The following CACNA1E variants were observed in gnomAD, a reference collection of about 807,000 sequenced individuals.
CACNA1E encodes calcium voltage-gated channel subunit alpha1 E.
CACNA1E carries 40 observed loss-of-function variants against 259.2 expected under a neutral mutation model. That is an observed-to-expected ratio of 0.15 (90% CI 0.12 to 0.20). The LOEUF is 0.20. Among genes scored for constraint, CACNA1E ranks in the 10% least tolerant of loss-of-function variants. The probability of loss-of-function intolerance (pLI) is 1.00; values close to 1 mark genes in which losing one functional copy is unlikely to be tolerated. For synonymous variants in CACNA1E, 1,104 were observed against 1,138.5 expected, an observed-to-expected ratio of 0.97 and a Z score of 0.61; for missense variants, 1,874 against 3,040.1, an observed-to-expected ratio of 0.62 and a Z score of 9.02.
intron 7 of CACNA1E, among the ~76,000 whole-genome samples, chr1:181,684,876 CTT>C (rs34538225): frequency 2.0e-4 from 27 of 135,096 alleles, no homozygotes; most frequent in East Asian, 4.2e-4. Context: ...TTTTTAAATC[CTT>C]TTTTTTTTTT....
At chr1:181,695,608 GA>G (rs1479922878) in intron 7 of CACNA1E, among the ~76,000 whole-genome samples, 2 of 152,214 alleles carry the variant, frequency 1.3e-5, no homozygotes, top group African/African-American at 4.8e-5. Flanking sequence ...GTTCAATTTA[GA>G]GGGGGAAAGG....
intron 2 of CACNA1E, among the ~76,000 whole-genome samples, chr1:181,426,938 G>C (rs1256725483): frequency 1.4e-5 from 1 of 69,244 alleles, no homozygotes; most frequent in Admixed American, 1.6e-4. Context: ...CTCAACCGCT[G>C]CCCATCTCAA....
intron 6 of CACNA1E, among the ~76,000 whole-genome samples, chr1:181,582,382 G>A (rs1268230197): frequency 6.6e-6 from 1 of 152,234 alleles, no homozygotes; most frequent in African/African-American, 2.4e-5. Flanking sequence ...TTGAGGCCAT[G>A]CCACTCAAAT....
At chr1:181,613,614 T>A (rs1654948331) in intron 6 of CACNA1E, among the ~76,000 whole-genome samples, 1 of 152,200 alleles carries the variant, frequency 6.6e-6, no homozygotes, top group Non-Finnish European at 1.5e-5. Flanking sequence ...GTTTATCTTT[T>A]CCCTTCAAGG....
At chr1:181,594,941 A>G (rs1242838007) in intron 6 of CACNA1E, among the ~76,000 whole-genome samples, 1 of 152,226 alleles carries the variant, frequency 6.6e-6, no homozygotes, top group African/African-American at 2.4e-5. Context: ...CATGTTAGGA[A>G]GATTTCTATT....
At chr1:181,394,205 G>C (rs1238081451) in intron 1 of CACNA1E, among the ~76,000 whole-genome samples, 2 of 152,212 alleles carry the variant, frequency 1.3e-5, no homozygotes, top group African/African-American at 2.4e-5. Flanking sequence ...TCAAATCAGA[G>C]TTTGCCTTCT....
At chr1:181,532,970 T>C (rs1482485352) in intron 3 of CACNA1E, among the ~76,000 whole-genome samples, 3 of 152,204 alleles carry the variant, frequency 2.0e-5, no homozygotes, top group Non-Finnish European at 4.4e-5. Flanking sequence ...TTGCCTAGCT[T>C]GTGGAAGAGT....
intron 7 of CACNA1E, among the ~76,000 whole-genome samples, chr1:181,686,316 C>G (rs1169690801): frequency 3.1e-4 from 27 of 87,264 alleles, no homozygotes; most frequent in African/African-American, 1.1e-3. Flanking sequence ...GATGGAGTTT[C>G]ACTCTTGTTG....
Position 181,352,685 on chromosome 1 carries a change from G to A in CACNA1E, c.-15+34562G>A, listed in dbSNP as rs1044558655. Reference sequence around the variant, plus strand: ...AAGAAATAGATCAGAGAAGTGGCAAGGCAATTTGGAGACATCAACTAAATT... The same window carrying A: ...AAGAAATAGATCAGAGAAGTGGCAAAGCAATTTGGAGACATCAACTAAATT... On this transcript the variant is annotated intron_variant, in intron 1 of 11. Coordinates refer to the CACNA1E transcript ENST00000524607. 2.0e-5 allele frequency among the ~76,000 whole-genome samples: 3 copies of A among 152,212 alleles called. No homozygotes were observed. In the East Asian group the frequency reaches 5.8e-4, roughly 29 times the overall value.
chr1:181,708,006 A>G (rs1318638527), intron 7 of CACNA1E, among the ~76,000 whole-genome samples: 1 of 152,180 alleles, frequency 6.6e-6, no homozygotes, highest in Non-Finnish European at 1.5e-5. Flanking sequence ...GTGGGACCCA[A>G]AGAGAAGAGG....
At chr1:181,370,756 T>A (rs1250671009) in intron 1 of CACNA1E, among the ~76,000 whole-genome samples, 1 of 152,190 alleles carries the variant, frequency 6.6e-6, no homozygotes, top group East Asian at 1.9e-4. Flanking sequence ...TGCATTTTTT[T>A]TGGTAGAATG....
At chr1:181,601,152 G>T (rs1446108018) in intron 6 of CACNA1E, among the ~76,000 whole-genome samples, 1 of 152,172 alleles carries the variant, frequency 6.6e-6, no homozygotes, top group Non-Finnish European at 1.5e-5. Flanking sequence ...TGCAGGGCAG[G>T]TAGAGATTCG....
At chr1:181,323,048 T>C (rs1000645527) in intron 1 of CACNA1E, among the ~76,000 whole-genome samples, 1 of 152,236 alleles carries the variant, frequency 6.6e-6, no homozygotes, top group South Asian at 2.1e-4. Flanking sequence ...ACACCTCTTA[T>C]TGATGAAAAT....
At position 181,483,631 on chromosome 1, in the gene CACNA1E, C is replaced by A; in HGVS notation, c.-114C>A. 1 of 642,520 alleles carries A rather than the reference C, an allele frequency of 1.6e-6. No individual in the cohort carries two copies. Among genetic ancestry groups the A allele is most frequent in the Non-Finnish European group, 2.5e-6 (1 of 399,134 alleles). The allele number at this position is 642,520 out of a possible 1,614,324, so 39.8% of individuals were successfully genotyped here. A position where few individuals can be genotyped will look rare whatever the true frequency, so the allele number is the denominator to read the frequency against. ...GCGGAGCTCCCCAGAGGCGGTGGTC[C>A]CCGTGCTTGTCTGGATGCGGCTCTG... is the stretch of plus-strand genomic sequence containing the variant. On this transcript the variant is annotated 5_prime_UTR_variant, in exon 1 of 48. Transcript: ENST00000367573.
At chr1:181,317,852 C>G (rs1650014724) in exon 1 of CACNA1E, 1 of 152,076 alleles carries the variant, frequency 6.6e-6, no homozygotes, top group African/African-American at 2.4e-5. Context: ...TTCTTTTCCA[C>G]TGTGTGAGCA....
intron 6 of CACNA1E, among the ~76,000 whole-genome samples, chr1:181,626,568 A>G (rs1481716744): frequency 6.6e-6 from 1 of 152,216 alleles, no homozygotes; most frequent in Non-Finnish European, 1.5e-5. Context: ...TTTTCAGTGT[A>G]TGGACATGGT....
chr1:181,765,302 T>C (rs1482093513), intron 34 of CACNA1E, among the ~76,000 whole-genome samples: 3 of 151,464 alleles, frequency 2.0e-5, no homozygotes, highest in Non-Finnish European at 4.4e-5. Context: ...ACATTGGGAG[T>C]AGGGAGAGAT....
chr1:181,763,366 C>G, intron 33 of CACNA1E, 40 bp from the exon 34 acceptor site: 1 of 1,516,750 alleles, frequency 6.6e-7, no homozygotes, highest in Non-Finnish European at 9.0e-7. Flanking sequence ...TCTAAATCAC[C>G]ATAATGTTCC....
intron 6 of CACNA1E, among the ~76,000 whole-genome samples, chr1:181,644,031 C>A (rs1260582857): frequency 6.6e-6 from 1 of 152,172 alleles, no homozygotes; most frequent in Non-Finnish European, 1.5e-5. Flanking sequence ...CAGCAGGTGC[C>A]TATGTTTCAC....
Sources: gnomAD v4.1 joint callset for allele counts (sites outside exome capture counted in the v4.1 genomes callset) on GRCh38, gnomAD v4.1.1 for gene constraint, MANE v1.5 for transcripts, NCBI Gene and HGNC (gene_info 2026-07-23, HGNC 2026-07-21) for gene names.